MYO5B: variants seen among roughly 807,000 people sequenced by gnomAD.
MYO5B encodes unconventional myosin-Vb.
Under a neutral mutation model 229.3 loss-of-function variants are expected in MYO5B, and 143 were observed. The ratio of observed to expected loss-of-function variants is 0.62; its 90% CI spans 0.54 to 0.72. MYO5B has a LOEUF of 0.72. Ranked by LOEUF, MYO5B falls within the 30% of genes least tolerant of loss-of-function variation. The pLI, the probability that MYO5B is intolerant of heterozygous loss-of-function variation, is 0.00. For synonymous variants in MYO5B, 918 were observed against 885.2 expected (o/e 1.04, Z -0.66); for missense variants, 2,321 against 2,331.0 (o/e 1.00, Z 0.09).
intron 1 of MYO5B, among the ~76,000 whole-genome samples, chr18:50,068,179 A>T (rs775661142): frequency 6.6e-6 from 1 of 152,232 alleles, no homozygotes; most frequent in Non-Finnish European, 1.5e-5. Context: ...CTTACATACT[A>T]GGTAGCCAAT....
chr18:50,124,746 T>G (rs1378638843), intron 1 of MYO5B, among the ~76,000 whole-genome samples: 1 of 151,906 alleles, frequency 6.6e-6, no homozygotes, highest in Non-Finnish European at 1.5e-5. Flanking sequence ...TGCTTGCAAT[T>G]GACACATCTC....
rs142681794 is a variant in MYO5B, at chr18:49,957,646, TCAAAACAAAA to T, written c.1546-3221_1546-3212del. 2.6e-4 allele frequency among the ~76,000 whole-genome samples: 31 copies of T among 119,546 alleles called. No individual in the cohort carries two copies. The South Asian group carries it at 4.9e-3, about 19-fold the overall frequency. 78.4% of individuals were successfully genotyped at this position (119,546 alleles called of 152,430 possible). On this transcript the variant is annotated intron_variant, in intron 12 of 39. Transcript: ENST00000285039. ...CTGGGTGACAGAACAAGACACTGTC[TCAAAACAAAA>T]CAAAACAAAACAAAACAAAAAAAGC...
At chr18:49,971,031 G>A (rs908963286) in intron 10 of MYO5B, 1 of 152,234 alleles carries the variant, frequency 6.6e-6, no homozygotes, top group Non-Finnish European at 1.5e-5. Context: ...TGGGTACTCA[G>A]GCATCCCCAC....
intron 4 of MYO5B, among the ~76,000 whole-genome samples, chr18:50,011,081 G>A (rs1410607192): frequency 1.1e-4 from 17 of 152,140 alleles, no homozygotes; most frequent in Non-Finnish European, 1.5e-5. Flanking sequence ...AGTGGCTCAC[G>A]TCTGTAATCC....
chr18:49,838,522 T>A (rs775999441), intron 36 of MYO5B, among the ~76,000 whole-genome samples: 1 of 152,196 alleles, frequency 6.6e-6, no homozygotes, highest in Non-Finnish European at 1.5e-5. Flanking sequence ...CTTCTTGGGA[T>A]TCACTCATAA....
intron 2 of MYO5B, among the ~76,000 whole-genome samples, chr18:50,052,397 C>T (rs2030418302): frequency 1.3e-5 from 2 of 148,324 alleles, no homozygotes; most frequent in African/African-American, 5.0e-5. Flanking sequence ...GAGTTCATGT[C>T]CTTTGTAGGG....
At chr18:49,902,976 T>C in intron 20 of MYO5B, 143 bp from the exon 21 acceptor site, 1 of 1,070,666 alleles carries the variant, frequency 9.3e-7, no homozygotes. Context: ...CCCTAAGATC[T>C]AAGGCTTTGG....
At chr18:50,155,414 C>T (rs557798035) in intron 1 of MYO5B, among the ~76,000 whole-genome samples, 1 of 152,266 alleles carries the variant, frequency 6.6e-6, no homozygotes, top group South Asian at 2.1e-4. Context: ...TAACCAGGTA[C>T]TTATCTTGGT....
rs1424204842 is a variant in MYO5B, at chr18:49,847,297, G to C, written c.4316-8C>G. Reference sequence around the variant, plus strand: ...GGGCCAATGCCTGGGCAGCTGAGCAGGAAAGAAAACAGGAAGCATGGATGA... The same window carrying C: ...GGGCCAATGCCTGGGCAGCTGAGCACGAAAGAAAACAGGAAGCATGGATGA... On this transcript the variant is annotated splice_region_variant and splice_polypyrimidine_tract_variant and intron_variant, in intron 32 of 39. Coordinates refer to ENST00000285039, the MANE Select transcript of MYO5B (RefSeq NM_001080467.3). The C allele has an allele frequency of 1.9e-6, 3 of 1,612,830 alleles. No homozygotes were observed. In the Admixed American group the frequency reaches 5.0e-5, roughly 27 times the overall value.
At chr18:50,138,747 A>C (rs1225372835) in intron 1 of MYO5B, among the ~76,000 whole-genome samples, 1 of 152,096 alleles carries the variant, frequency 6.6e-6, no homozygotes, top group Non-Finnish European at 1.5e-5. Context: ...AATTAGTTAA[A>C]CCCTTGTTAT....
chr18:50,036,367 A>G (rs1305128595), intron 4 of MYO5B, among the ~76,000 whole-genome samples: 1 of 152,138 alleles, frequency 6.6e-6, no homozygotes, highest in Non-Finnish European at 1.5e-5. Context: ...ACCCCAAACC[A>G]CTATGCACAG....
chr18:50,133,081 C>G (rs543516317), intron 1 of MYO5B, among the ~76,000 whole-genome samples: 1 of 152,252 alleles, frequency 6.6e-6, no homozygotes, highest in South Asian at 2.1e-4. Flanking sequence ...CTGCTGAGGG[C>G]AGAATTAATC....
At chr18:50,055,491 A>G in intron 1 of MYO5B, 113 bp from the exon 2 acceptor site, 1 of 774,120 alleles carries the variant, frequency 1.3e-6, no homozygotes. Context: ...CTATCTGCAC[A>G]CATCTCCCCA....
chr18:49,950,740 C>T (rs772505257), intron 14 of MYO5B, among the ~76,000 whole-genome samples: 1 of 152,102 alleles, frequency 6.6e-6, no homozygotes, highest in Non-Finnish European at 1.5e-5. Flanking sequence ...TATATTTCTA[C>T]AATACTTTAA....
intron 10 of MYO5B, among the ~76,000 whole-genome samples, chr18:49,968,595 A>G (rs1220789764): frequency 1.3e-5 from 2 of 152,154 alleles, no homozygotes; most frequent in Non-Finnish European, 2.9e-5. Flanking sequence ...AGGCCCCCCA[A>G]TAAACTTGTT....
At chr18:50,164,780 C>T (rs1364829896) in intron 1 of MYO5B, among the ~76,000 whole-genome samples, 2 of 152,100 alleles carry the variant, frequency 1.3e-5, no homozygotes, top group Non-Finnish European at 2.9e-5. Flanking sequence ...GTGTGTTGTT[C>T]CCCTCCCTGT....
At chr18:50,141,601 C>T (rs759833961) in intron 1 of MYO5B, among the ~76,000 whole-genome samples, 2 of 152,198 alleles carry the variant, frequency 1.3e-5, no homozygotes, top group African/African-American at 2.4e-5. Context: ...CTGATATGGC[C>T]ATACCCTACC....
chr18:50,099,843 TA>T lies in MYO5B; in HGVS notation c.28-44466del, dbSNP rs1378534913. 1.3e-4 allele frequency among the ~76,000 whole-genome samples: 20 copies of T among 152,344 alleles called. No individual in the cohort carries two copies. The South Asian group carries it at 3.9e-3, about 30-fold the overall frequency. On this transcript the variant is annotated intron_variant, in intron 1 of 39. Coordinates refer to ENST00000285039, the MANE Select transcript of MYO5B (RefSeq NM_001080467.3). ...CAATGGGCACCTGACATTAGATATA[TA>T]AACTTTATCCTCCACCAAAAGGGCT...
At chr18:49,983,121 T>G (rs1250714471) in intron 8 of MYO5B, among the ~76,000 whole-genome samples, 2 of 152,226 alleles carry the variant, frequency 1.3e-5, no homozygotes, top group African/African-American at 4.8e-5. Flanking sequence ...AGTTATCAAC[T>G]TATCTCTCAG....
Sources: gnomAD v4.1 joint callset for allele counts (sites outside exome capture counted in the v4.1 genomes callset) on GRCh38, gnomAD v4.1.1 for gene constraint, MANE v1.5 for transcripts, NCBI Gene and HGNC (gene_info 2026-07-23, HGNC 2026-07-21) for gene names.